CCDC30: variants seen among roughly 807,000 people sequenced by gnomAD.
The protein encoded by CCDC30 is coiled-coil domain-containing protein 30.
A neutral mutation model predicts 100.2 loss-of-function variants in CCDC30; 70 were observed. The observed-to-expected ratio is 0.70, with a 90% CI of 0.58 to 0.85. The LOEUF is 0.85. CCDC30 is among the 40% of genes least tolerant of loss of function. CCDC30 has a pLI of 0.00. For missense variants in CCDC30, 652 were observed against 771.2 expected, an observed-to-expected ratio of 0.85 and a Z score of 1.83; for synonymous variants, 233 against 269.5, an observed-to-expected ratio of 0.86 and a Z score of 1.33.
chr1:42,639,411 A>G (rs1429770343), intron 12 of CCDC30, among the ~76,000 whole-genome samples: 1 of 152,216 alleles, frequency 6.6e-6, no homozygotes, highest in Non-Finnish European at 1.5e-5. Context: ...AACCCTGACA[A>G]CAATGTGATT....
intron 6 of CCDC30, among the ~76,000 whole-genome samples, chr1:42,554,030 C>A (rs568362665): frequency 6.6e-6 from 1 of 151,964 alleles, no homozygotes. Flanking sequence ...TGTGTACACA[C>A]GTTAATACAT....
chr1:42,621,719 G>T (rs1229500459), intron 11 of CCDC30, among the ~76,000 whole-genome samples: 2 of 152,002 alleles, frequency 1.3e-5, no homozygotes, highest in Non-Finnish European at 2.9e-5. Flanking sequence ...CACTGTGTTA[G>T]CCAGGATGGT....
intron 6 of CCDC30, among the ~76,000 whole-genome samples, chr1:42,565,075 A>G (rs1004140253): frequency 3.0e-4 from 45 of 152,286 alleles, no homozygotes; most frequent in African/African-American, 9.1e-4. Flanking sequence ...TTGTGTGTGT[A>G]TACTATATTT....
intron 10 of CCDC30, among the ~76,000 whole-genome samples, chr1:42,598,066 G>T (rs1646327989): frequency 6.6e-6 from 1 of 152,136 alleles, no homozygotes. Flanking sequence ...TACTTGGGAG[G>T]TTGAGGTGGG....
At chr1:42,645,657 T>A (rs560021672) in intron 14 of CCDC30, among the ~76,000 whole-genome samples, 98 of 152,288 alleles carry the variant, frequency 6.4e-4, no homozygotes, top group African/African-American at 2.2e-3. Context: ...CCAAGCTATA[T>A]GAGTGGGTTT....
At chr1:42,614,494 AT>A (rs2148647919) in intron 11 of CCDC30, among the ~76,000 whole-genome samples, 2 of 152,084 alleles carry the variant, frequency 1.3e-5, no homozygotes, top group South Asian at 4.2e-4. Context: ...CCCAATGAAG[AT>A]ACAGAACAGG....
chr1:42,535,147 C>G (rs1202299534), intron 6 of CCDC30, among the ~76,000 whole-genome samples: 1 of 152,016 alleles, frequency 6.6e-6, no homozygotes, highest in East Asian at 1.9e-4. Flanking sequence ...GAAAACCTTG[C>G]CAGGAGTACT....
chr1:42,605,273 A>C (rs1434842922), intron 10 of CCDC30, among the ~76,000 whole-genome samples: 1 of 152,182 alleles, frequency 6.6e-6, no homozygotes, highest in Non-Finnish European at 1.5e-5. Context: ...CTTTTTCACC[A>C]GTGTTATTTG....
chr1:42,622,330 A>G (rs370863702), intron 11 of CCDC30, among the ~76,000 whole-genome samples: 26 of 152,164 alleles, frequency 1.7e-4, no homozygotes, highest in South Asian at 4.1e-4. Context: ...TCTTTATCCA[A>G]TCATCTGTTG....
chr1:42,493,217 G>A (rs1214626653), intron 4 of CCDC30, among the ~76,000 whole-genome samples: 1 of 151,912 alleles, frequency 6.6e-6, no homozygotes, highest in Admixed American at 6.6e-5. Context: ...ATAAGAATAA[G>A]AAGAATAAGA....
intron 12 of CCDC30, among the ~76,000 whole-genome samples, chr1:42,638,892 A>G (rs1392941007): frequency 1.3e-5 from 2 of 152,066 alleles, no homozygotes; most frequent in Non-Finnish European, 2.9e-5. Context: ...ATAAATAAAT[A>G]AATAAAGAGT....
intron 9 of CCDC30, among the ~76,000 whole-genome samples, chr1:42,587,480 A>C (rs1646097075): frequency 6.6e-6 from 1 of 152,202 alleles, no homozygotes; most frequent in Admixed American, 6.5e-5. Flanking sequence ...AATTAGATGA[A>C]GGAGAGATGA....
chr1:42,543,893 A>G (rs1018837307), intron 6 of CCDC30, among the ~76,000 whole-genome samples: 4 of 152,238 alleles, frequency 2.6e-5, no homozygotes, highest in African/African-American at 9.6e-5. Context: ...GTAAACTTAA[A>G]TTGATCTTTA....
At chr1:42,633,740 C>T (rs986038111) in intron 11 of CCDC30, among the ~76,000 whole-genome samples, 3 of 151,970 alleles carry the variant, frequency 2.0e-5, no homozygotes, top group Non-Finnish European at 4.4e-5. Flanking sequence ...CGAGACCTTG[C>T]GTCTACTAAA....
intron 1 of CCDC30, chr1:42,467,705 G>A (rs1048458586): frequency 6.6e-6 from 1 of 152,208 alleles, no homozygotes; most frequent in African/African-American, 2.4e-5. Context: ...TGCTTAAAGA[G>A]TAGGCCCTCA....
chr1:42,488,089 A>G (rs1447009054), intron 3 of CCDC30, among the ~76,000 whole-genome samples: 2 of 152,190 alleles, frequency 1.3e-5, no homozygotes, highest in Admixed American at 6.5e-5. Flanking sequence ...GGATGTAGGT[A>G]TTACCATAAC....
rs368876668 is a variant in CCDC30 at position 42,628,361 on chromosome 1, G to A, written c.1278-8876G>A. On this transcript the variant is annotated intron_variant, in intron 11 of 16. Transcript: ENST00000668663. ...GGCAGAAGGGACTTGCCTTGTTTCC[G>A]ATGACACTTTGAACTGTGGACTTTT... Among the ~76,000 whole-genome samples the A allele has an allele frequency of 3.9e-5, 6 of 152,284 alleles. No individual in the cohort carries two copies. In the East Asian group the frequency reaches 5.8e-4, roughly 15 times the overall value.
At chr1:42,595,652 A>T (rs1295702317) in intron 10 of CCDC30, 1 of 152,200 alleles carries the variant, frequency 6.6e-6, no homozygotes, top group African/African-American at 2.4e-5. Flanking sequence ...CACGATACTG[A>T]TGATAGAAAG....
chr1:42,581,459 G>A, exon 9 of CCDC30: 1 of 1,613,848 alleles, frequency 6.2e-7, no homozygotes, highest in South Asian at 1.1e-5. Flanking sequence ...GATAAAAGAA[G>A]CAACACAAAA....
Sources: allele counts gnomAD v4.1 joint callset (sites outside exome capture counted in the v4.1 genomes callset), GRCh38; gene constraint gnomAD v4.1.1; transcripts MANE v1.5; gene names NCBI Gene and HGNC (gene_info 2026-07-23, HGNC 2026-07-21).